The following RBM6 variants were observed in gnomAD, a reference collection of about 807,000 sequenced individuals.
The protein encoded by RBM6 is RNA binding motif protein 6.
In RBM6, 23 loss-of-function variants were observed where a neutral mutation model predicts 140.4. The ratio of observed to expected loss-of-function variants is 0.16; its 90% CI spans 0.12 to 0.23. The LOEUF (loss-of-function observed/expected upper bound fraction) is 0.23. Among genes scored for constraint, RBM6 ranks in the 10% least tolerant of loss-of-function variants. The probability of loss-of-function intolerance (pLI) is 1.00; values close to 1 mark genes in which losing one functional copy is unlikely to be tolerated. For missense variants in RBM6, 1,139 were observed against 1,386.7 expected, an observed-to-expected ratio of 0.82 and a Z score of 2.84; for synonymous variants, 439 against 475.6, an observed-to-expected ratio of 0.92 and a Z score of 1.00.
At chr3:50,041,881 C>T (rs2088939949) in intron 6 of RBM6, among the ~76,000 whole-genome samples, 1 of 152,150 alleles carries the variant, frequency 6.6e-6, no homozygotes, top group African/African-American at 2.4e-5. Context: ...TCAGAAGCTA[C>T]CTCTTTGATG....
chr3:49,985,767 C>T (rs889300463), intron 5 of RBM6, among the ~76,000 whole-genome samples: 11 of 150,214 alleles, frequency 7.3e-5, no homozygotes, highest in South Asian at 2.1e-4. Flanking sequence ...CCACCACGCC[C>T]GGCTAATTTT....
At chr3:50,027,850 C>A (rs2087927564) in intron 6 of RBM6, among the ~76,000 whole-genome samples, 1 of 152,040 alleles carries the variant, frequency 6.6e-6, no homozygotes, top group Admixed American at 6.6e-5. Context: ...CGATATATAC[C>A]AAAGAGCCAC....
intron 5 of RBM6, among the ~76,000 whole-genome samples, chr3:49,981,336 C>G (rs916327122): frequency 6.6e-6 from 1 of 152,170 alleles, no homozygotes; most frequent in Admixed American, 6.6e-5. Flanking sequence ...CCCTTGGGAA[C>G]TTGTTGGAAT....
chr3:49,984,825 A>G (rs1447425021), intron 5 of RBM6, among the ~76,000 whole-genome samples: 3 of 152,232 alleles, frequency 2.0e-5, no homozygotes, highest in African/African-American at 7.2e-5. Flanking sequence ...CAGATTTTGC[A>G]TCTTCTGGCA....
chr3:49,981,694 T>C (rs1306500386), intron 5 of RBM6: 1 of 152,214 alleles, frequency 6.6e-6, no homozygotes, highest in Admixed American at 6.5e-5. Context: ...TTTAGTTATA[T>C]GTAACTAAGG....
rs559060699 is a variant in RBM6 at position 49,944,601 on chromosome 3, G to C, written c.-67+4376G>C. Among the ~76,000 whole-genome samples the C allele has an allele frequency of 3.3e-4, 50 of 149,566 alleles. 1 individual carries two copies. Among genetic ancestry groups the C allele is most frequent in the African/African-American group, 1.1e-3 (43 of 40,328 alleles). On this transcript the variant is annotated intron_variant, in intron 1 of 20. Transcript: ENST00000266022. The stretch of plus-strand genomic sequence containing the variant: ...AGGCATTCTCCTGCCTCAGCCTCCC[G>C]AGTAGCTGGGATTACAGATGTGCGC...
At chr3:49,984,910 T>A (rs965175614) in intron 5 of RBM6, among the ~76,000 whole-genome samples, 1 of 152,238 alleles carries the variant, frequency 6.6e-6, no homozygotes, top group Admixed American at 6.5e-5. Context: ...ATTATTTTCC[T>A]GAAAACCATT....
intron 6 of RBM6, among the ~76,000 whole-genome samples, chr3:50,022,335 CT>C (rs796974994): frequency 8.9e-4 from 128 of 143,364 alleles, no homozygotes; most frequent in Middle Eastern, 3.6e-3. Context: ...TTTCTTCTTT[CT>C]TTTTTTTTTT....
At chr3:50,033,317 G>A (rs547281429) in intron 6 of RBM6, among the ~76,000 whole-genome samples, 2 of 152,054 alleles carry the variant, frequency 1.3e-5, no homozygotes, top group African/African-American at 4.8e-5. Context: ...AAAAGAAAAA[G>A]AGACGGGGCC....
chr3:50,026,649 GA>G (rs960444877), intron 6 of RBM6, among the ~76,000 whole-genome samples: 1 of 147,352 alleles, frequency 6.8e-6, no homozygotes, highest in African/African-American at 2.5e-5. Context: ...AAAAAAAAAA[GA>G]AAAAAAAATA....
chr3:49,985,716 C>G (rs1400057067), intron 5 of RBM6, among the ~76,000 whole-genome samples: 1 of 150,688 alleles, frequency 6.6e-6, no homozygotes, highest in Non-Finnish European at 1.5e-5. Context: ...ACGCCATTCT[C>G]CTGCCTCAGC....
At chr3:50,025,846 A>G (rs935487986) in intron 6 of RBM6, among the ~76,000 whole-genome samples, 2 of 151,916 alleles carry the variant, frequency 1.3e-5, no homozygotes, top group Non-Finnish European at 2.9e-5. Flanking sequence ...AGACCACATT[A>G]TTTCATTTTA....
intron 1 of RBM6, among the ~76,000 whole-genome samples, chr3:49,962,325 G>A (rs1338915542): frequency 2.0e-5 from 3 of 150,372 alleles, no homozygotes; most frequent in Admixed American, 6.7e-5. Context: ...TGTAGTCCTA[G>A]CTACTCGGGA....
chr3:49,970,221 A>G (rs2084727447), intron 3 of RBM6, among the ~76,000 whole-genome samples: 1 of 152,024 alleles, frequency 6.6e-6, no homozygotes, highest in Non-Finnish European at 1.5e-5. Flanking sequence ...GATTTCAGGC[A>G]TGCACCACCA....
chr3:49,992,344 C>T (rs1044379232), intron 5 of RBM6, among the ~76,000 whole-genome samples: 1 of 152,060 alleles, frequency 6.6e-6, no homozygotes, highest in South Asian at 2.1e-4. Flanking sequence ...GTTTTTCTTC[C>T]TAGTCAAAAT....
chr3:50,001,553 G>A (rs1326393492), intron 6 of RBM6, among the ~76,000 whole-genome samples: 1 of 152,204 alleles, frequency 6.6e-6, no homozygotes, highest in African/African-American at 2.4e-5. Flanking sequence ...GATGTGTGTA[G>A]GTTGTATGCA....
chr3:50,041,970 G>C (rs1045484209), intron 6 of RBM6, among the ~76,000 whole-genome samples: 2 of 152,196 alleles, frequency 1.3e-5, no homozygotes, highest in Non-Finnish European at 2.9e-5. Context: ...CTGACTTTTA[G>C]TACTGTATGT....
At chr3:49,993,249 C>G (rs1013131412) in intron 5 of RBM6, among the ~76,000 whole-genome samples, 2 of 152,104 alleles carry the variant, frequency 1.3e-5, no homozygotes, top group Non-Finnish European at 2.9e-5. Flanking sequence ...TGGAGTGGCC[C>G]TGCGATTAAT....
chr3:50,062,577 ACT>A (rs1294250199), intron 15 of RBM6, among the ~76,000 whole-genome samples: 2 of 151,780 alleles, frequency 1.3e-5, no homozygotes, highest in South Asian at 2.1e-4. Flanking sequence ...TTATATCCCA[ACT>A]CTCTCTTTTA....
Sources: gnomAD v4.1 joint callset for allele counts (sites outside exome capture counted in the v4.1 genomes callset) on GRCh38, gnomAD v4.1.1 for gene constraint, MANE v1.5 for transcripts, NCBI Gene and HGNC (gene_info 2026-07-23, HGNC 2026-07-21) for gene names.